The following TMX3 variants were observed in gnomAD, a reference collection of about 807,000 sequenced individuals.
TMX3 encodes the protein protein disulfide-isomerase TMX3.
Under a neutral mutation model 64.4 loss-of-function variants are expected in TMX3, and 40 were observed. The observed-to-expected ratio is 0.62, with a 90% confidence interval of 0.48 to 0.81. TMX3 has a LOEUF of 0.81. Ranked by LOEUF, TMX3 falls within the 30% of genes least tolerant of loss-of-function variation. TMX3 has a pLI of 0.00. For missense variants in TMX3, 497 were observed against 534.5 expected (o/e 0.93, Z 0.69); for synonymous variants, 189 against 175.7 (o/e 1.08, Z -0.60).
chr18:68,687,169 T>A (rs1413093733), intron 10 of TMX3: 1 of 985,192 alleles, frequency 1.0e-6, no homozygotes, highest in African/African-American at 1.7e-5. Context: ...ATTTTTATAG[T>A]TTGCATCTGA....
intron 2 of TMX3, among the ~76,000 whole-genome samples, chr18:68,713,552 G>A (rs1321578291): frequency 6.6e-6 from 1 of 152,084 alleles, no homozygotes; most frequent in African/African-American, 2.4e-5. Flanking sequence ...GATAAATACA[G>A]TACAGTTACC....
At chr18:68,709,531 C>T (rs1460215738) in intron 4 of TMX3, among the ~76,000 whole-genome samples, 1 of 152,090 alleles carries the variant, frequency 6.6e-6, no homozygotes, top group Non-Finnish European at 1.5e-5. Context: ...CTCACCTTCA[C>T]TTCATTCTAT....
chr18:68,700,696 T>C (rs537839697), intron 5 of TMX3: 47 of 959,740 alleles, frequency 4.9e-5, no homozygotes, highest in Non-Finnish European at 5.8e-5. Context: ...CTATTAAAAT[T>C]ACATGAAAAT....
chr18:68,698,884 T>TGGTAGCGGGCAC (rs1555688726), intron 6 of TMX3, among the ~76,000 whole-genome samples: 2 of 149,672 alleles, frequency 1.3e-5, no homozygotes, highest in East Asian at 2.0e-4. Flanking sequence ...TAGCCGGGCG[T>TGGTAGCGGGCAC]GGTAGCGGGC....
intron 6 of TMX3, among the ~76,000 whole-genome samples, chr18:68,699,078 A>G (rs426629): frequency 0.2 from 30,735 of 151,554 alleles, 5,035 homozygotes; most frequent in African/African-American, 0.46. Flanking sequence ...TATGGTGTGT[A>G]TATTACAATA....
At chr18:68,687,802 A>G in intron 9 of TMX3, 37 bp from the exon 10 acceptor site, 1 of 1,513,604 alleles carries the variant, frequency 6.6e-7, no homozygotes, top group Non-Finnish European at 9.0e-7. Context: ...TTACAGTATA[A>G]ATATGAATTT....
chr18:68,681,223 G>T, intron 13 of TMX3, 113 bp from the exon 14 acceptor site: 1 of 968,620 alleles, frequency 1.0e-6, no homozygotes, highest in Non-Finnish European at 1.4e-6. Flanking sequence ...ACACATTTGT[G>T]CATATTTTAT....
intron 4 of TMX3, among the ~76,000 whole-genome samples, chr18:68,707,013 A>G (rs772099628): frequency 2.0e-5 from 3 of 152,200 alleles, no homozygotes; most frequent in Non-Finnish European, 4.4e-5. Flanking sequence ...TATGTTCACA[A>G]GTTACTGTTT....
At chr18:68,713,555 C>T (rs2031524365) in intron 2 of TMX3, among the ~76,000 whole-genome samples, 1 of 152,096 alleles carries the variant, frequency 6.6e-6, no homozygotes, top group Admixed American at 6.5e-5. Context: ...AAATACAGTA[C>T]AGTTACCAAA....
chr18:68,701,597 C>T (rs1414772159), intron 5 of TMX3, 148 bp downstream of exon 5: 1 of 1,510,598 alleles, frequency 6.6e-7, no homozygotes, highest in South Asian at 1.2e-5. Flanking sequence ...GAAGCAGTCC[C>T]TCTCCTTTAA....
chr18:68,694,124 C>T (rs761840079), intron 8 of TMX3, among the ~76,000 whole-genome samples: 12 of 152,112 alleles, frequency 7.9e-5, no homozygotes, highest in Non-Finnish European at 1.3e-4. Context: ...TTGGGACCCA[C>T]TGAATGGAGG....
intron 10 of TMX3, among the ~76,000 whole-genome samples, chr18:68,686,374 C>T (rs1913954580): frequency 6.6e-6 from 1 of 152,146 alleles, no homozygotes; most frequent in South Asian, 2.1e-4. Flanking sequence ...AGCAAGACTA[C>T]TATATTCCTA....
At chr18:68,682,491 AAC>A (rs1176148723) in intron 13 of TMX3, among the ~76,000 whole-genome samples, 2 of 152,154 alleles carry the variant, frequency 1.3e-5, no homozygotes, top group Non-Finnish European at 2.9e-5. Flanking sequence ...ATAAATTTTA[AAC>A]AGATAAAAAT....
chr18:68,695,940 C>A (rs1318223565), intron 8 of TMX3, among the ~76,000 whole-genome samples: 2 of 152,160 alleles, frequency 1.3e-5, no homozygotes, highest in Non-Finnish European at 2.9e-5. Context: ...TCACATTGGC[C>A]TACTGTTTTG....
Position 68,709,899 on chromosome 18 carries a change from AATT to A in TMX3, c.265+119_265+121del, listed in dbSNP as rs1351719801. ...TTAACTCATAAAGTATACAGTCTTA[AATT>A]ATTAAGTTAATTGAATTTTACATGA... On this transcript the variant is annotated intron_variant, in intron 4 of 15. Transcript: ENST00000299608. 4.4e-6 allele frequency: 4 copies of A among 899,284 alleles called. No individual in the cohort carries two copies. The East Asian group carries it at 8.6e-5, about 19-fold the overall frequency. 55.7% of individuals were successfully genotyped at this position (899,284 alleles called of 1,614,324 possible).
chr18:68,687,074 G>A (rs977811602), intron 10 of TMX3: 4 of 981,848 alleles, frequency 4.1e-6, no homozygotes, highest in East Asian at 2.3e-4. Flanking sequence ...GGAAACAAAT[G>A]TGGCACCAAT....
At position 68,710,160 on chromosome 18, in the gene TMX3, C is replaced by A; in HGVS notation, c.142-16G>T. On this transcript the variant is annotated splice_polypyrimidine_tract_variant and intron_variant, in intron 3 of 15. Coordinates refer to ENST00000299608, the MANE Select transcript of TMX3 (RefSeq NM_019022.5). ...GCGCATAAAACTTGTTTTAAAAAAA[C>A]AAACAACAAACAAAAAAAGATAACC... 6.6e-7 allele frequency: 1 copy of A among 1,505,006 alleles called. No homozygotes were observed. Among genetic ancestry groups the A allele is most frequent in the Non-Finnish European group, 8.8e-7 (1 of 1,130,756 alleles). The allele number at this position is 1,505,006 out of a possible 1,614,324, so 93.2% of individuals were successfully genotyped here. A position where few individuals can be genotyped will look rare whatever the true frequency, so the allele number is the denominator to read the frequency against.
chr18:68,687,347 T>C, intron 10 of TMX3: 4 of 985,422 alleles, frequency 4.1e-6, no homozygotes, highest in Non-Finnish European at 4.8e-6. Flanking sequence ...TAAGTTTTAT[T>C]TTAACTCCTA....
intron 15 of TMX3, among the ~76,000 whole-genome samples, chr18:68,677,774 G>A (rs1016603280): frequency 7.9e-5 from 12 of 151,998 alleles, no homozygotes; most frequent in African/African-American, 2.9e-4. Context: ...GAATTGCAAC[G>A]ATAACTCTTG....
Sources: allele counts gnomAD v4.1 joint callset (sites outside exome capture counted in the v4.1 genomes callset), GRCh38; gene constraint gnomAD v4.1.1; transcripts MANE v1.5; gene names NCBI Gene and HGNC (gene_info 2026-07-23, HGNC 2026-07-21).